The following MITD1 variants were observed in gnomAD, a reference collection of about 807,000 sequenced individuals.
The protein encoded by MITD1 is MIT domain-containing protein 1.
Under a neutral mutation model 34.9 loss-of-function variants are expected in MITD1, and 24 were observed. That is an observed-to-expected ratio of 0.69 (90% confidence interval 0.50 to 0.97). The LOEUF is 0.97. Among genes scored for constraint, MITD1 ranks in the 50% least tolerant of loss-of-function variants. The pLI, the probability that MITD1 is intolerant of heterozygous loss-of-function variation, is 0.00. For synonymous variants in MITD1, 102 were observed against 101.4 expected, an observed-to-expected ratio of 1.01 and a Z score of -0.04; for missense variants, 266 against 294.6, an observed-to-expected ratio of 0.90 and a Z score of 0.71.
intron 3 of MITD1, 33 bp downstream of exon 3, chr2:99,171,477 G>GAA: frequency 6.3e-7 from 1 of 1,587,024 alleles, no homozygotes; most frequent in Non-Finnish European, 8.7e-7. Flanking sequence ...CATTGAATAT[G>GAA]ATATTTCATT....
At chr2:99,171,775 T>C (rs991342998) in intron 2 of MITD1, 129 bp from the exon 3 acceptor site, 26 of 822,948 alleles carry the variant, frequency 3.2e-5, no homozygotes, top group Non-Finnish European at 3.0e-5. Context: ...CAAATACTTA[T>C]TGAATGCCTA....
rs1292198841 is a variant in MITD1, at chr2:99,171,519, A to C, written c.381T>G (p.His127Gln). The C allele has an allele frequency of 1.9e-6, 3 of 1,608,490 alleles. No individual in the cohort carries two copies. The highest frequency in any genetic ancestry group is 2.6e-6 in the Non-Finnish European group (3 of 1,175,330). The change falls in exon 3 of 7, where the codon CAT becomes CAG. Residue 127 changes from histidine (H) to glutamine (Q), a missense_variant. Transcript: ENST00000289359. ...EVWIEDPYIR[H>Q]THQLYNFLRF... is the part of the protein sequence containing the mutation. Reference sequence around the variant, plus strand: ...TAGTATGTTCACATACCTGATGAGTATGTCTAATATAAGGATCTTCTATCC... The same window carrying C: ...TAGTATGTTCACATACCTGATGAGTCTGTCTAATATAAGGATCTTCTATCC...
At chr2:99,174,733 G>A (rs1392974842) in intron 1 of MITD1, among the ~76,000 whole-genome samples, 1 of 152,180 alleles carries the variant, frequency 6.6e-6, no homozygotes, top group Non-Finnish European at 1.5e-5. Flanking sequence ...TGGGACTACA[G>A]GCGCCCACCA....
intron 2 of MITD1, 164 bp from the exon 3 acceptor site, chr2:99,171,810 T>C: frequency 1.5e-6 from 1 of 659,712 alleles, no homozygotes. Context: ...CATTGCAGGA[T>C]GTTACACGTA....
Position 99,179,206 on chromosome 2 carries a change from C to T in MITD1, c.151+1625G>A, listed in dbSNP as rs75253574. Among the ~76,000 whole-genome samples the T allele has an allele frequency of 9.6e-3, 1,469 of 152,304 alleles. 14 individuals are homozygous for T. The highest frequency in any genetic ancestry group is 0.034 in the African/African-American group (1,395 of 41,560). Reference sequence around the variant, plus strand: ...ACCCTAGAGCAGAACTGTGATTCTCCTGCTTCAGATTCCTAGTGCAGCCAA... The same window carrying T: ...ACCCTAGAGCAGAACTGTGATTCTCTTGCTTCAGATTCCTAGTGCAGCCAA... On this transcript the variant is annotated intron_variant, in intron 1 of 6. Transcript: ENST00000289359.
In MITD1 at chr2:99,169,514, C is replaced by G. The variant is rs778459585; in HGVS notation, c.654+36G>C. On this transcript the variant is annotated intron_variant, in intron 6 of 6. Transcript: ENST00000289359. ...AGTATCATTAAAAATGATACAAAAA[C>G]AGTGCTACACATTTACTCATAAGAT... The G allele has an allele frequency of 1.9e-6, 3 of 1,599,312 alleles. No homozygotes were observed. The Admixed American group carries it at 5.0e-5, about 27-fold the overall frequency.
intron 5 of MITD1, 136 bp downstream of exon 5, chr2:99,170,401 A>C: frequency 4.2e-6 from 1 of 237,004 alleles, no homozygotes; most frequent in Non-Finnish European, 7.9e-6. Context: ...AAAGTGAAAA[A>C]GTACTAAATG....
At chr2:99,163,102 A>T (rs1482898762) in intron 7 of MITD1, 1 of 1,436,694 alleles carries the variant, frequency 7.0e-7, no homozygotes, top group Non-Finnish European at 9.3e-7. Context: ...GTCTTAATAC[A>T]GTTTCAATTA....
intron 1 of MITD1, among the ~76,000 whole-genome samples, chr2:99,176,441 T>C (rs958234336): frequency 6.6e-5 from 10 of 151,848 alleles, no homozygotes; most frequent in African/African-American, 2.4e-4. Context: ...TTCTCCTGCC[T>C]CAGCCTCCGG....
downstream of MITD1, among the ~76,000 whole-genome samples, chr2:99,164,408 G>C (rs1297431308): frequency 6.6e-6 from 1 of 151,674 alleles, no homozygotes; most frequent in East Asian, 1.9e-4. Context: ...CTACAGCCTT[G>C]AACTGGGCTC....
chr2:99,161,432 T>C (rs1250053371), downstream of MITD1: 1 of 149,638 alleles, frequency 6.7e-6, no homozygotes, highest in Non-Finnish European at 1.5e-5. Context: ...AAATGTTAAT[T>C]GTGATTAGGA....
At chr2:99,163,504 T>C (rs1375826837) in intron 7 of MITD1, among the ~76,000 whole-genome samples, 1 of 151,926 alleles carries the variant, frequency 6.6e-6, no homozygotes, top group African/African-American at 2.4e-5. Flanking sequence ...TTTTTTCTAT[T>C]TTTAATAGAG....
downstream of MITD1, among the ~76,000 whole-genome samples, chr2:99,167,362 A>G (rs1420682238): frequency 6.6e-6 from 1 of 152,210 alleles, no homozygotes; most frequent in Non-Finnish European, 1.5e-5. Context: ...AGTTGTTCAT[A>G]TAGTTCTTAA....
In MITD1 at chr2:99,162,272, A is replaced by G. The variant is rs3791211; in HGVS notation, c.*4-54T>C. The G allele has an allele frequency of 0.031, 50,293 of 1,612,940 alleles. 2,410 individuals are homozygous for G. The highest frequency in any genetic ancestry group is 0.22 in the East Asian group (9,964 of 44,872). ...CTCGGAGAAGAAGTGGAGGAGGAACAGTCTACCATGATATGGGTAATATCA... is the reference window on the plus strand; with the variant it reads ...CTCGGAGAAGAAGTGGAGGAGGAACGGTCTACCATGATATGGGTAATATCA... On this transcript the variant is annotated intron_variant, in intron 7 of 7. Transcript: ENST00000422537.
chr2:99,167,539 A>G (rs2093832364), downstream of MITD1, among the ~76,000 whole-genome samples: 1 of 152,182 alleles, frequency 6.6e-6, no homozygotes, highest in Non-Finnish European at 1.5e-5. Flanking sequence ...ATAAAAGTTA[A>G]TTGCACAGGG....
chr2:99,180,484 GC>G, intron 1 of MITD1, among the ~76,000 whole-genome samples: 1 of 152,174 alleles, frequency 6.6e-6, no homozygotes, highest in African/African-American at 2.4e-5. Context: ...TAATTTTAAT[GC>G]CCCCCAATCT....
intron 2 of MITD1, chr2:99,171,905 G>T (rs964796447): frequency 7.5e-6 from 3 of 399,034 alleles, no homozygotes; most frequent in Admixed American, 8.1e-5. Context: ...AGGTTTCCTG[G>T]AACAGGTCCT....
At chr2:99,167,927 C>T (rs1025291040), downstream of MITD1, among the ~76,000 whole-genome samples, 1 of 152,192 alleles carries the variant, frequency 6.6e-6, no homozygotes, top group Non-Finnish European at 1.5e-5. Flanking sequence ...CTTGTACCTA[C>T]CAGCTGTCCC....
At chr2:99,162,746 C>T (rs2105202311) in intron 7 of MITD1, 2 of 1,614,004 alleles carry the variant, frequency 1.2e-6, no homozygotes, top group African/African-American at 2.7e-5. Context: ...ATAGCAAAGC[C>T]AAAGAACTGC....
Sources: allele counts gnomAD v4.1 joint callset (sites outside exome capture counted in the v4.1 genomes callset), GRCh38; gene constraint gnomAD v4.1.1; transcripts MANE v1.5; gene names NCBI Gene and HGNC (gene_info 2026-07-23, HGNC 2026-07-21).